Variants in RALA observed in about 807,000 individuals in gnomAD.
RALA encodes ras-related protein Ral-A.
In RALA, 5 loss-of-function variants were observed where a neutral mutation model predicts 24.0. The ratio of observed to expected loss-of-function variants is 0.21; its 90% CI spans 0.11 to 0.44. The LOEUF is 0.44. RALA is among the 20% of genes least tolerant of loss of function. RALA has a pLI of 0.99. For synonymous variants in RALA, 77 were observed against 83.8 expected, an observed-to-expected ratio of 0.92 and a Z score of 0.44; for missense variants, 95 against 241.2, an observed-to-expected ratio of 0.39 and a Z score of 4.01.
At chr7:39,689,545 C>T (rs781277147) in intron 2 of RALA, among the ~76,000 whole-genome samples, 49 of 152,050 alleles carry the variant, frequency 3.2e-4, no homozygotes, top group Non-Finnish European at 6.3e-4. Flanking sequence ...AAGAATGTAT[C>T]AGATAATGAA....
chr7:39,639,287 A>AC (rs1357577424), intron 1 of RALA, among the ~76,000 whole-genome samples: 2 of 152,238 alleles, frequency 1.3e-5, no homozygotes, highest in East Asian at 3.8e-4. Context: ...CTATTACTTA[A>AC]CCCAATTTTA....
intron 1 of RALA, among the ~76,000 whole-genome samples, chr7:39,653,718 T>C (rs1003201710): frequency 6.6e-6 from 1 of 152,190 alleles, no homozygotes; most frequent in African/African-American, 2.4e-5. Context: ...ATTAGTCTTG[T>C]AGTAGCTTAT....
chr7:39,696,521 T>G (rs539711899), intron 3 of RALA, among the ~76,000 whole-genome samples, 164 bp from the exon 4 acceptor site: 1 of 152,362 alleles, frequency 6.6e-6, no homozygotes, highest in African/African-American at 2.4e-5. Context: ...GAATAAAGTT[T>G]GGACCTTAGT....
intron 1 of RALA, among the ~76,000 whole-genome samples, chr7:39,660,341 CAAAAA>C (rs35395402): frequency 1.5e-5 from 2 of 130,158 alleles, no homozygotes; most frequent in Non-Finnish European, 3.3e-5. Context: ...GACTCCATCT[CAAAAA>C]AAAAAAAAAA....
At chr7:39,654,817 C>T (rs1468773098) in intron 1 of RALA, among the ~76,000 whole-genome samples, 1 of 152,136 alleles carries the variant, frequency 6.6e-6, no homozygotes, top group Non-Finnish European at 1.5e-5. Flanking sequence ...GTGGTGTGAT[C>T]ATGGCTCACT....
intron 1 of RALA, among the ~76,000 whole-genome samples, chr7:39,632,581 G>A (rs1791616652): frequency 6.6e-6 from 1 of 152,232 alleles, no homozygotes; most frequent in Admixed American, 6.5e-5. Context: ...ACTTTGGGAG[G>A]CTGAGGCTAG....
chr7:39,700,445 TG>T (rs1056969658), intron 4 of RALA: 2 of 152,316 alleles, frequency 1.3e-5, no homozygotes, highest in African/African-American at 4.8e-5. Flanking sequence ...CTCCTCCATG[TG>T]GCCTTTTCCA....
chr7:39,655,057 CT>C (rs1011867450), intron 1 of RALA, among the ~76,000 whole-genome samples: 7 of 152,130 alleles, frequency 4.6e-5, no homozygotes, highest in Non-Finnish European at 7.4e-5. Context: ...CCTCTAAATT[CT>C]TTTTTTGCAA....
intron 1 of RALA, among the ~76,000 whole-genome samples, chr7:39,675,739 T>TAAAA (rs752072089): frequency 1.7e-5 from 2 of 116,348 alleles, no homozygotes; most frequent in Admixed American, 8.2e-5. Context: ...TCTGGGAAAT[T>TAAAA]AAAAAAAAAA....
At chr7:39,662,559 C>T (rs1792211164) in intron 1 of RALA, among the ~76,000 whole-genome samples, 1 of 152,194 alleles carries the variant, frequency 6.6e-6, no homozygotes, top group African/African-American at 2.4e-5. Flanking sequence ...GGGCAAAATT[C>T]TCAGTCTCTT....
chr7:39,681,537 G>T (rs1792603791), intron 1 of RALA, among the ~76,000 whole-genome samples: 1 of 151,750 alleles, frequency 6.6e-6, no homozygotes, highest in South Asian at 2.1e-4. Flanking sequence ...CCTCCATCTT[G>T]CACAGAATTA....
Position 39,707,743 on chromosome 7 carries a change from T to C in RALA, c.*1498T>C, listed in dbSNP as rs557313642. 8.5e-5 allele frequency: 13 copies of C among 152,752 alleles called. No individual in the cohort carries two copies. Among genetic ancestry groups the C allele is most frequent in the East Asian group, 3.9e-4 (2 of 5,186 alleles). The allele number at this position is 152,752 out of a possible 1,614,324, so 9.5% of individuals were successfully genotyped here. ...ACAGGTGTGTATGTAAAGTTAAAAA[T>C]AGGCTTTTTAGGAACTCACTCTTTA... On this transcript the variant is annotated 3_prime_UTR_variant, in exon 5 of 5. Coordinates refer to ENST00000005257, the MANE Select transcript of RALA (RefSeq NM_005402.4).
chr7:39,694,932 A>G lies in RALA; in HGVS notation c.324-1753A>G, dbSNP rs553504435. Among the ~76,000 whole-genome samples, 3 of 151,912 alleles carry G rather than the reference A, an allele frequency of 2.0e-5. No individual in the cohort carries two copies. In the East Asian group the frequency reaches 5.8e-4, roughly 29 times the overall value. On this transcript the variant is annotated intron_variant, in intron 3 of 4. Coordinates refer to ENST00000005257, the MANE Select transcript of RALA (RefSeq NM_005402.4). ...TAGCTGGGTGTGGTGGCGCGTGCCTATAGTATAGGTGTGCTACTCGGGAAG... is the reference window on the plus strand; with the variant it reads ...TAGCTGGGTGTGGTGGCGCGTGCCTGTAGTATAGGTGTGCTACTCGGGAAG...
At chr7:39,665,056 G>C (rs982559872) in intron 1 of RALA, among the ~76,000 whole-genome samples, 12 of 152,142 alleles carry the variant, frequency 7.9e-5, no homozygotes, top group African/African-American at 2.4e-4. Flanking sequence ...GTACCACATA[G>C]AAACATTTTT....
intron 1 of RALA, among the ~76,000 whole-genome samples, chr7:39,652,869 A>T (rs1792040976): frequency 6.7e-6 from 1 of 149,534 alleles, no homozygotes; most frequent in Non-Finnish European, 1.5e-5. Context: ...AGGTGCGAGC[A>T]ATTCTCCCAC....
At chr7:39,704,310 A>AGT (rs1562628129) in intron 4 of RALA, among the ~76,000 whole-genome samples, 6 of 151,808 alleles carry the variant, frequency 4.0e-5, no homozygotes, top group Non-Finnish European at 8.8e-5. Context: ...AGTCAGTCTT[A>AGT]CTTGTTTGTG....
At position 39,706,406 on chromosome 7, in the gene RALA, T is replaced by A. The variant is rs1345541051; in HGVS notation, c.*161T>A. On this transcript the variant is annotated 3_prime_UTR_variant, in exon 5 of 5. Transcript: ENST00000005257. ...AACTGCAATGAAAGTCAAATTTACT[T>A]TAAAAAGAAATTAATATGGCTTCAC... 1.4e-6 allele frequency: 1 copy of A among 729,716 alleles called. No individual in the cohort carries two copies. Among genetic ancestry groups the A allele is most frequent in the African/African-American group, 1.9e-5 (1 of 53,748 alleles). The allele number at this position is 729,716 out of a possible 1,614,324, so 45.2% of individuals were successfully genotyped here. A position where few individuals can be genotyped will look rare whatever the true frequency, so the allele number is the denominator to read the frequency against.
At chr7:39,655,879 A>G (rs1188365614) in intron 1 of RALA, among the ~76,000 whole-genome samples, 1 of 152,182 alleles carries the variant, frequency 6.6e-6, no homozygotes, top group African/African-American at 2.4e-5. Context: ...GATTAAGGGG[A>G]GAGGAGTAAA....
chr7:39,689,111 C>T (rs1792764643), intron 2 of RALA, among the ~76,000 whole-genome samples: 1 of 152,150 alleles, frequency 6.6e-6, no homozygotes, highest in South Asian at 2.1e-4. Context: ...CCTGATCCCT[C>T]CCCCAGCATT....
Sources: allele counts gnomAD v4.1 joint callset (sites outside exome capture counted in the v4.1 genomes callset), GRCh38; gene constraint gnomAD v4.1.1; transcripts MANE v1.5; gene names NCBI Gene and HGNC (gene_info 2026-07-23, HGNC 2026-07-21).